PCDH7: variants seen among roughly 807,000 people sequenced by gnomAD.
PCDH7 encodes protocadherin 7, also known as protocadherin-7.
A neutral mutation model predicts 58.9 loss-of-function variants in PCDH7; 17 were observed. That is an observed-to-expected ratio of 0.29 (90% CI 0.20 to 0.43). The LOEUF (loss-of-function observed/expected upper bound fraction) is 0.43, where lower values mean the gene tolerates loss of function less well. PCDH7 is among the 20% of genes least tolerant of loss of function. The pLI, the probability that PCDH7 is intolerant of heterozygous loss-of-function variation, is 1.00. For synonymous variants in PCDH7, 664 were observed against 616.4 expected (o/e 1.08, Z -1.14); for missense variants, 1,274 against 1,441.0 (o/e 0.88, Z 1.88).
chr4:30,858,248 T>G (rs1315494776), intron 1 of PCDH7, among the ~76,000 whole-genome samples: 1 of 152,188 alleles, frequency 6.6e-6, no homozygotes, highest in East Asian at 1.9e-4. Context: ...TTTTTTTCTT[T>G]ATCACTAATT....
chr4:30,941,377 C>T (rs1746019751), intron 2 of PCDH7, among the ~76,000 whole-genome samples: 1 of 151,876 alleles, frequency 6.6e-6, no homozygotes, highest in African/African-American at 2.4e-5. Context: ...TTTGGGTAAA[C>T]TCAAAATGGT....
At position 30,721,356 on chromosome 4, in the gene PCDH7, C is replaced by A; in HGVS notation, c.-67C>A. 1 of 1,399,432 alleles carries A rather than the reference C, an allele frequency of 7.1e-7. No individual in the cohort carries two copies. The highest frequency in any genetic ancestry group is 9.4e-7 in the Non-Finnish European group (1 of 1,068,864). The allele number at this position is 1,399,432 out of a possible 1,614,324, so 86.7% of individuals were successfully genotyped here. Reference sequence around the variant, plus strand: ...GACTCGGGGGAGGGCAGGCGGCCGGCCCCGGAGGAGGGGGGCGCCGAGGGG... The same window carrying A: ...GACTCGGGGGAGGGCAGGCGGCCGGACCCGGAGGAGGGGGGCGCCGAGGGG... On this transcript the variant is annotated 5_prime_UTR_variant, in exon 1 of 2. Transcript: ENST00000361762. This position sits in a 1 kb window ranked among gnomAD's most constrained non-coding sequence, Gnocchi z 6.7.
intron 1 of PCDH7, among the ~76,000 whole-genome samples, chr4:30,794,373 G>T (rs1724519297): frequency 6.6e-6 from 1 of 152,236 alleles, no homozygotes; most frequent in Admixed American, 6.5e-5. Flanking sequence ...TTTTAGGACT[G>T]TATAATTAAA....
intron 3 of PCDH7, among the ~76,000 whole-genome samples, chr4:31,097,616 AT>A (rs1714265099): frequency 8.1e-5 from 3 of 36,884 alleles, no homozygotes; most frequent in Non-Finnish European, 1.2e-4. Context: ...ATATATATAT[AT>A]ATATATATAT....
chr4:30,815,414 A>T (rs560573451), intron 1 of PCDH7, among the ~76,000 whole-genome samples: 1 of 152,298 alleles, frequency 6.6e-6, no homozygotes, highest in African/African-American at 2.4e-5. Flanking sequence ...TTGGAAGAGG[A>T]CCAAGCAGGC....
intron 3 of PCDH7, among the ~76,000 whole-genome samples, chr4:31,074,464 C>T (rs1336942969): frequency 6.6e-6 from 1 of 151,872 alleles, no homozygotes; most frequent in African/African-American, 2.4e-5. Context: ...GTCCCCTCTA[C>T]ATTATGCAAA....
chr4:30,807,309 C>CA (rs1274764562), intron 1 of PCDH7, among the ~76,000 whole-genome samples: 6 of 151,936 alleles, frequency 3.9e-5, no homozygotes, highest in Non-Finnish European at 8.8e-5. Context: ...CAATAAAATA[C>CA]AAAAAAAGAC....
intron 2 of PCDH7, among the ~76,000 whole-genome samples, chr4:30,932,238 C>T (rs1347511063): frequency 6.6e-6 from 1 of 152,126 alleles, no homozygotes; most frequent in Non-Finnish European, 1.5e-5. Context: ...TAATTCCAGT[C>T]CATTTGATGT....
chr4:31,106,649 C>T (rs1715617154), intron 3 of PCDH7, among the ~76,000 whole-genome samples: 1 of 152,162 alleles, frequency 6.6e-6, no homozygotes, highest in Non-Finnish European at 1.5e-5. Flanking sequence ...TACTTCCTGG[C>T]CCCAGAAGGC....
chr4:31,092,379 T>TG, intron 3 of PCDH7, among the ~76,000 whole-genome samples: 1 of 152,082 alleles, frequency 6.6e-6, no homozygotes, highest in South Asian at 2.1e-4. Flanking sequence ...GATTCTAACC[T>TG]ATCAGCAGCG....
intron 1 of PCDH7, among the ~76,000 whole-genome samples, chr4:30,818,434 GTCT>G (rs1187434094): frequency 6.6e-6 from 1 of 152,112 alleles, no homozygotes; most frequent in East Asian, 1.9e-4. Flanking sequence ...AAGAAAATGA[GTCT>G]TCTCTCCATA....
chr4:31,102,402 T>TGAG (rs1323998886), intron 3 of PCDH7, among the ~76,000 whole-genome samples: 47 of 152,132 alleles, frequency 3.1e-4, no homozygotes, highest in African/African-American at 1.1e-3. Flanking sequence ...AACGTGAAAA[T>TGAG]GAAATGAGGA....
intron 1 of PCDH7, among the ~76,000 whole-genome samples, chr4:30,919,520 C>G (rs906879227): frequency 1.3e-5 from 2 of 152,140 alleles, no homozygotes; most frequent in Non-Finnish European, 2.9e-5. Flanking sequence ...TAGTTTATTT[C>G]CTACTCACTG....
At chr4:30,732,738 C>A (rs1456447067) in exon 2 of PCDH7, 1 of 151,748 alleles carries the variant, frequency 6.6e-6, no homozygotes, top group Non-Finnish European at 1.5e-5. Context: ...AGAACCAGCA[C>A]TCTAGACTGG....
At chr4:31,037,756 A>G (rs1401889732) in intron 3 of PCDH7, among the ~76,000 whole-genome samples, 1 of 152,148 alleles carries the variant, frequency 6.6e-6, no homozygotes, top group African/African-American at 2.4e-5. Flanking sequence ...GCCAGTTCTC[A>G]CTTCTCCCAC....
rs1448338142 is a variant in PCDH7 at position 30,722,300 on chromosome 4, T to A, written c.878T>A (p.Ile293Asn). ...GACCCGCCTCGCTCCTCGCAGGCCA[T>A]CCTACGGGTCCTCATCACCGACGTG... The change falls in exon 1 of 2, where the codon ATC becomes AAC. Residue 293 changes from isoleucine to asparagine, a missense_variant. Physicochemically the swap from Ile to Asn is moderately radical, Grantham distance 149. This residue lies in a region of PCDH7 where 331 missense variants were observed against 303.2 expected (regional missense o/e 1.09). Coordinates refer to ENST00000361762, the Ensembl canonical transcript of PCDH7. The surrounding 1 kb of genome is among the most constrained non-coding windows in gnomAD (Gnocchi z 7.6). 5 of 1,607,194 alleles carry A rather than the reference T, an allele frequency of 3.1e-6. No individual in the cohort carries two copies. The highest frequency in any genetic ancestry group is 4.2e-6 in the Non-Finnish European group (5 of 1,177,896).
chr4:30,914,335 TC>T (rs1418193858), intron 1 of PCDH7, among the ~76,000 whole-genome samples: 1 of 152,162 alleles, frequency 6.6e-6, no homozygotes, highest in Non-Finnish European at 1.5e-5. Context: ...CTCTAAAATG[TC>T]TGAGTAGTAC....
chr4:31,003,578 G>A (rs1460664727), intron 3 of PCDH7, among the ~76,000 whole-genome samples: 1 of 152,036 alleles, frequency 6.6e-6, no homozygotes, highest in Non-Finnish European at 1.5e-5. Context: ...GCTCCAAAGA[G>A]CATTTTCTTT....
intron 1 of PCDH7, among the ~76,000 whole-genome samples, chr4:30,894,927 T>A (rs979773272): frequency 3.3e-5 from 5 of 151,676 alleles, no homozygotes; most frequent in Non-Finnish European, 7.4e-5. Context: ...ATGCAAAACC[T>A]CTAGCATGTT....
Sources: gnomAD v4.1 joint callset for allele counts (sites outside exome capture counted in the v4.1 genomes callset) on GRCh38, gnomAD v4.1.1 for gene constraint, gnomAD v4.1.1 regional missense constraint, Gnocchi (gnomAD v3.1) non-coding constraint, MANE v1.5 for transcripts, NCBI Gene and HGNC (gene_info 2026-07-23, HGNC 2026-07-21) for gene names.